Variants in ANK2 observed in about 807,000 individuals in gnomAD.
ANK2 encodes the protein ankyrin 2, also known as ankyrin-2.
ANK2 carries 83 observed loss-of-function variants against 360.5 expected under a neutral mutation model. The observed-to-expected ratio is 0.23, with a 90% confidence interval of 0.19 to 0.28. The LOEUF (loss-of-function observed/expected upper bound fraction) is 0.28, where lower values mean the gene tolerates loss of function less well. ANK2 is among the 10% of genes least tolerant of loss of function. ANK2 has a pLI of 1.00. For missense variants in ANK2, 4,201 were observed against 4,795.7 expected, an observed-to-expected ratio of 0.88 and a Z score of 3.66; for synonymous variants, 1,740 against 1,759.5, an observed-to-expected ratio of 0.99 and a Z score of 0.28.
At chr4:113,248,675 T>C (rs757388155) in intron 9 of ANK2, among the ~76,000 whole-genome samples, 1 of 152,034 alleles carries the variant, frequency 6.6e-6, no homozygotes. Context: ...TTATTTTTAT[T>C]TGGAGTAAAG....
At chr4:113,293,401 C>A in intron 21 of ANK2, 39 bp from the exon 22 acceptor site, 2 of 1,571,968 alleles carry the variant, frequency 1.3e-6, no homozygotes, top group Non-Finnish European at 1.7e-6. Context: ...GCAGTCCTCT[C>A]TCTTATTTCT....
intron 40 of ANK2, 135 bp downstream of exon 40, chr4:113,363,604 C>A: frequency 1.1e-6 from 1 of 940,908 alleles, no homozygotes; most frequent in Non-Finnish European, 1.7e-6. Context: ...TGAGTAATAT[C>A]ATTTTGTTCA....
At chr4:112,886,592 G>A (rs566082374) in intron 1 of ANK2, among the ~76,000 whole-genome samples, 17 of 152,282 alleles carry the variant, frequency 1.1e-4, no homozygotes, top group Middle Eastern at 3.4e-3. Context: ...AACCTGGGAA[G>A]TGGAAGTTGC....
At chr4:113,295,261 C>G (rs2070558810) in intron 22 of ANK2, among the ~76,000 whole-genome samples, 1 of 152,156 alleles carries the variant, frequency 6.6e-6, no homozygotes, top group Non-Finnish European at 1.5e-5. Context: ...CCAGCAACTT[C>G]AGTGTCATGA....
At chr4:112,952,199 T>C (rs1253464625) in intron 2 of ANK2, among the ~76,000 whole-genome samples, 1 of 152,198 alleles carries the variant, frequency 6.6e-6, no homozygotes, top group Non-Finnish European at 1.5e-5. Context: ...CTCCATTATG[T>C]AGTATTTTCA....
chr4:112,949,528 A>C (rs964581922), intron 2 of ANK2, among the ~76,000 whole-genome samples: 1 of 152,240 alleles, frequency 6.6e-6, no homozygotes, highest in African/African-American at 2.4e-5. Context: ...CCAACACAAA[A>C]GAGTTTAATT....
chr4:112,887,025 T>C (rs907759580), intron 1 of ANK2, among the ~76,000 whole-genome samples: 1 of 152,220 alleles, frequency 6.6e-6, no homozygotes, highest in African/African-American at 2.4e-5. Flanking sequence ...TGGTAGGTTT[T>C]TTTCAAGAGG....
chr4:112,959,756 A>G (rs1310449501), intron 2 of ANK2, among the ~76,000 whole-genome samples: 1 of 152,194 alleles, frequency 6.6e-6, no homozygotes, highest in Non-Finnish European at 1.5e-5. Flanking sequence ...GAGTGGAAGT[A>G]CAAGAAATGT....
chr4:113,297,054 C>A (rs1479490428), intron 22 of ANK2, among the ~76,000 whole-genome samples: 1 of 151,996 alleles, frequency 6.6e-6, no homozygotes, highest in African/African-American at 2.4e-5. Context: ...TTACCTGATG[C>A]CATAAGTCAG....
intron 2 of ANK2, among the ~76,000 whole-genome samples, chr4:112,935,737 G>T (rs1423039604): frequency 6.6e-6 from 1 of 152,080 alleles, no homozygotes; most frequent in African/African-American, 2.4e-5. Context: ...AGCTACTGGG[G>T]AGGCTGAAGC....
At chr4:112,877,166 A>G (rs899515952) in intron 1 of ANK2, among the ~76,000 whole-genome samples, 7 of 151,700 alleles carry the variant, frequency 4.6e-5, no homozygotes, top group African/African-American at 1.7e-4. Context: ...ATTTTACTTT[A>G]TCATCTATTT....
the ANK2 span, among the ~76,000 whole-genome samples, chr4:112,770,477 G>A: frequency 5.9e-5 from 9 of 152,202 alleles, no homozygotes; most frequent in Non-Finnish European, 1.3e-4. Context: ...AGGCCGATGA[G>A]GGTGGATCAC....
chr4:112,833,945 C>A (rs552766574), intron 1 of ANK2, among the ~76,000 whole-genome samples: 8 of 152,088 alleles, frequency 5.3e-5, no homozygotes, highest in Admixed American at 5.2e-4. Context: ...GTGTGCCTTC[C>A]GAGTATATTG....
chr4:112,788,002 G>C, the ANK2 span: 1 of 719,678 alleles, frequency 1.4e-6, no homozygotes, highest in Non-Finnish European at 2.4e-6. Flanking sequence ...CACATATTAT[G>C]TATTACCCAA....
the ANK2 span, among the ~76,000 whole-genome samples, chr4:112,746,889 A>G: frequency 6.6e-6 from 1 of 152,230 alleles, no homozygotes; most frequent in African/African-American, 2.4e-5. Flanking sequence ...AATACTTCAA[A>G]TATATTCAAA....
chr4:112,992,976 A>C (rs1337194621), intron 2 of ANK2, among the ~76,000 whole-genome samples: 2 of 152,116 alleles, frequency 1.3e-5, no homozygotes, highest in Non-Finnish European at 2.9e-5. Context: ...ACCCTTCATT[A>C]ATTTATTTAA....
At chr4:113,193,976 G>A (rs915824972) in intron 2 of ANK2, among the ~76,000 whole-genome samples, 5 of 152,148 alleles carry the variant, frequency 3.3e-5, no homozygotes, top group African/African-American at 4.8e-5. Flanking sequence ...GCAAAGCAGG[G>A]CAGACAGAGA....
At chr4:113,258,452 G>A in intron 13 of ANK2, 41 bp downstream of exon 13, 1 of 1,565,278 alleles carries the variant, frequency 6.4e-7, no homozygotes, top group African/African-American at 1.4e-5. Flanking sequence ...GGGAGGAAGA[G>A]CGAGAGGAAC....
intron 1 of ANK2, among the ~76,000 whole-genome samples, chr4:113,122,588 T>C (rs2095431411): frequency 6.6e-6 from 1 of 152,106 alleles, no homozygotes; most frequent in African/African-American, 2.4e-5. Flanking sequence ...AGTTGATTGG[T>C]GCTGTCTTGA....
Sources: gnomAD v4.1 joint callset for allele counts (sites outside exome capture counted in the v4.1 genomes callset) on GRCh38, gnomAD v4.1.1 for gene constraint, MANE v1.5 for transcripts, NCBI Gene and HGNC (gene_info 2026-07-23, HGNC 2026-07-21) for gene names.